TSPAN5: variants seen among roughly 807,000 people sequenced by gnomAD.
TSPAN5 encodes the protein tetraspanin-5.
A neutral mutation model predicts 37.1 loss-of-function variants in TSPAN5; 10 were observed. That is an observed-to-expected ratio of 0.27 (90% CI 0.17 to 0.46). The LOEUF (loss-of-function observed/expected upper bound fraction) is 0.46, where lower values mean the gene tolerates loss of function less well. TSPAN5 is among the 20% of genes least tolerant of loss of function. The pLI, the probability that TSPAN5 is intolerant of heterozygous loss-of-function variation, is 1.00. For missense variants in TSPAN5, 195 were observed against 326.6 expected (o/e 0.60, Z 3.11); for synonymous variants, 110 against 118.9 (o/e 0.93, Z 0.48).
rs1528546 is a variant in TSPAN5, at chr4:98,637,155, G to A, written c.81+20991C>T. Among the ~76,000 whole-genome samples, 389 of 152,314 alleles carry A rather than the reference G, an allele frequency of 2.6e-3. 3 individuals are homozygous for A. The highest frequency in any genetic ancestry group is 0.021 in the Admixed American group (324 of 15,298). ...TGAAGCCATGCAACTTAAAAGGACT[G>A]TCCACTTTCTATGCCACTTACTTAA... On this transcript the variant is annotated intron_variant, in intron 1 of 7. Transcript: ENST00000305798.
At chr4:98,599,200 G>T (rs962295687) in intron 1 of TSPAN5, among the ~76,000 whole-genome samples, 1 of 152,102 alleles carries the variant, frequency 6.6e-6, no homozygotes, top group African/African-American at 2.4e-5. Flanking sequence ...GAGTGCAGTG[G>T]CATAATCATA....
intron 1 of TSPAN5, among the ~76,000 whole-genome samples, chr4:98,626,992 T>A (rs1756618264): frequency 1.4e-5 from 2 of 148,082 alleles, no homozygotes; most frequent in African/African-American, 5.0e-5. Context: ...TGAATGAATA[T>A]CATCAATGCT....
At chr4:98,473,423 G>A (rs1053517866) in intron 7 of TSPAN5, among the ~76,000 whole-genome samples, 11 of 150,620 alleles carry the variant, frequency 7.3e-5, no homozygotes, top group African/African-American at 9.8e-5. Context: ...GACTACTGAC[G>A]TTGGCATCTT....
intron 2 of TSPAN5, among the ~76,000 whole-genome samples, chr4:98,503,784 A>T (rs1753410682): frequency 6.6e-6 from 1 of 152,230 alleles, no homozygotes; most frequent in African/African-American, 2.4e-5. Flanking sequence ...ATTCAGCACA[A>T]GCCCTGCCCA....
intron 1 of TSPAN5, among the ~76,000 whole-genome samples, chr4:98,548,815 G>A (rs917923017): frequency 6.6e-6 from 1 of 151,936 alleles, no homozygotes; most frequent in Non-Finnish European, 1.5e-5. Context: ...GATGATAAAG[G>A]CCTCCAGTTC....
chr4:98,619,638 GGAGT>G (rs1172978400), intron 1 of TSPAN5, among the ~76,000 whole-genome samples: 1 of 152,174 alleles, frequency 6.6e-6, no homozygotes, highest in Non-Finnish European at 1.5e-5. Context: ...ATGATGCAAA[GGAGT>G]GAGTAATTAG....
chr4:98,586,332 T>C (rs1397665317), intron 1 of TSPAN5, among the ~76,000 whole-genome samples: 2 of 152,202 alleles, frequency 1.3e-5, no homozygotes, highest in Non-Finnish European at 2.9e-5. Context: ...ACTGAAGACA[T>C]TTTGGGACAA....
At chr4:98,533,451 C>A (rs1325520145) in intron 1 of TSPAN5, among the ~76,000 whole-genome samples, 1 of 149,252 alleles carries the variant, frequency 6.7e-6, no homozygotes, top group Admixed American at 6.7e-5. Flanking sequence ...TCCATTATTA[C>A]AGGTTTTCTC....
intron 1 of TSPAN5, among the ~76,000 whole-genome samples, chr4:98,627,518 A>G (rs899642272): frequency 6.6e-6 from 1 of 152,132 alleles, no homozygotes; most frequent in Non-Finnish European, 1.5e-5. Flanking sequence ...AACAACAACT[A>G]TTTCTTCCAA....
intron 1 of TSPAN5, among the ~76,000 whole-genome samples, chr4:98,600,939 A>G (rs138485641): frequency 6.6e-6 from 1 of 152,354 alleles, no homozygotes; most frequent in African/African-American, 2.4e-5. Context: ...TCCTTGATTC[A>G]TGGACTACAG....
At chr4:98,608,251 T>C (rs879852823) in intron 1 of TSPAN5, among the ~76,000 whole-genome samples, 2 of 152,182 alleles carry the variant, frequency 1.3e-5, no homozygotes, top group Non-Finnish European at 2.9e-5. Context: ...TCACTTCCTT[T>C]TTTTAGTCAC....
chr4:98,474,691 T>C (rs1399528197), intron 7 of TSPAN5, among the ~76,000 whole-genome samples: 1 of 152,142 alleles, frequency 6.6e-6, no homozygotes, highest in Non-Finnish European at 1.5e-5. Context: ...CTTATTTTTT[T>C]GAGACAAGGT....
intron 1 of TSPAN5, among the ~76,000 whole-genome samples, chr4:98,608,723 G>A (rs1000229115): frequency 8.5e-5 from 13 of 152,236 alleles, no homozygotes; most frequent in East Asian, 1.9e-4. Context: ...CTATGTAAAC[G>A]CAGTGCTGTG....
At chr4:98,607,797 G>A (rs376674828) in intron 1 of TSPAN5, among the ~76,000 whole-genome samples, 4 of 150,634 alleles carry the variant, frequency 2.7e-5, no homozygotes. Flanking sequence ...TGCAACCTCC[G>A]CCTCCCAGGT....
chr4:98,537,382 C>A, intron 1 of TSPAN5, among the ~76,000 whole-genome samples: 1 of 152,196 alleles, frequency 6.6e-6, no homozygotes. Flanking sequence ...GCAGAAATCA[C>A]CCGCCTTCTG....
chr4:98,633,074 G>T (rs1756782563), intron 1 of TSPAN5, among the ~76,000 whole-genome samples: 1 of 152,138 alleles, frequency 6.6e-6, no homozygotes, highest in African/African-American at 2.4e-5. Flanking sequence ...ACTCATGAGG[G>T]CAAAGGGAGA....
chr4:98,653,229 A>G (rs17027892), intron 1 of TSPAN5, among the ~76,000 whole-genome samples: 2 of 152,106 alleles, frequency 1.3e-5, no homozygotes, highest in Non-Finnish European at 2.9e-5. Flanking sequence ...GTGAATCATA[A>G]GATAAAGCTT....
At chr4:98,640,434 T>TA (rs1428032160) in intron 1 of TSPAN5, among the ~76,000 whole-genome samples, 3 of 152,276 alleles carry the variant, frequency 2.0e-5, no homozygotes, top group Admixed American at 6.5e-5. Flanking sequence ...ACTACCATTT[T>TA]AAAAAAACAA....
intron 1 of TSPAN5, among the ~76,000 whole-genome samples, chr4:98,629,487 C>T (rs767172997): frequency 6.6e-6 from 1 of 152,206 alleles, no homozygotes; most frequent in African/African-American, 2.4e-5. Context: ...ATTACGTTCT[C>T]CTAATGCAAA....
Sources: allele counts gnomAD v4.1 joint callset (sites outside exome capture counted in the v4.1 genomes callset), GRCh38; gene constraint gnomAD v4.1.1; transcripts MANE v1.5; gene names NCBI Gene and HGNC (gene_info 2026-07-23, HGNC 2026-07-21).